Variants in HDX observed in about 807,000 individuals in gnomAD.
HDX encodes highly divergent homeobox, also known as chromosome X open reading frame 43.
Under a neutral mutation model 45.2 loss-of-function variants are expected in HDX, and 19 were observed. That is an observed-to-expected ratio of 0.42 (90% confidence interval 0.29 to 0.62). The LOEUF (loss-of-function observed/expected upper bound fraction) is 0.62, where lower values mean the gene tolerates loss of function less well. Ranked by LOEUF, HDX falls within the 20% of genes least tolerant of loss-of-function variation. The pLI is 0.20. For synonymous variants in HDX, 188 were observed against 172.8 expected, an observed-to-expected ratio of 1.09 and a Z score of -0.69; for missense variants, 532 against 493.9, an observed-to-expected ratio of 1.08 and a Z score of -0.73.
intron 5 of HDX, among the ~76,000 whole-genome samples, chrX:84,418,995 G>A (rs779282574): frequency 8.9e-5 from 10 of 111,873 alleles, no homozygotes; most frequent in Non-Finnish European, 1.5e-4. Flanking sequence ...CCCTGTTCCA[G>A]GCCCTAGCTT....
At chrX:84,362,646 TA>T (rs1380268966) in intron 5 of HDX, among the ~76,000 whole-genome samples, 1 of 110,268 alleles carries the variant, frequency 9.1e-6, no homozygotes, top group Non-Finnish European at 1.9e-5. Context: ...TGGCTTGAGG[TA>T]TGGGGTTCTG....
Position 84,321,806 on chromosome X carries a change from C to G in HDX, c.*83G>C. The G allele has an allele frequency of 1.3e-6, 1 of 777,152 alleles. No homozygotes were observed. The highest frequency in any genetic ancestry group is 3.3e-5 in the Admixed American group (1 of 30,409). 64.0% of individuals were successfully genotyped at this position (777,152 alleles called of 1,213,427 possible). A position where few individuals can be genotyped will look rare whatever the true frequency, so the allele number is the denominator to read the frequency against. Reference sequence around the variant, plus strand: ...ATGTGTTTTCCCAACTAAAGAATACCAGGGCAACAGAATGCAGTTATCTTG... The same window carrying G: ...ATGTGTTTTCCCAACTAAAGAATACGAGGGCAACAGAATGCAGTTATCTTG... On this transcript the variant is annotated 3_prime_UTR_variant, in exon 11 of 11. Transcript: ENST00000373177.
Position 84,440,340 on chromosome X carries a change from AC to A in HDX, c.1305+191del. 7.6e-6 allele frequency: 3 copies of A among 395,259 alleles called. No homozygotes were observed. The South Asian group carries it at 1.3e-4, about 17-fold the overall frequency. 32.6% of individuals were successfully genotyped at this position (395,259 alleles called of 1,213,427 possible). On this transcript the variant is annotated intron_variant, in intron 5 of 10. Coordinates refer to ENST00000373177, the MANE Select transcript of HDX (RefSeq NM_001177479.2). ...CCATGGATTATATGGTGTGCTGAGT[AC>A]TACATTATAATTAAGATTACATTTG... is the stretch of plus-strand genomic sequence containing the variant.
chrX:84,387,077 A>G (rs1307107693), intron 5 of HDX, among the ~76,000 whole-genome samples: 1 of 111,213 alleles, frequency 9.0e-6, no homozygotes, highest in East Asian at 2.8e-4. Flanking sequence ...TAAATTTTTG[A>G]CTTAAGTTTG....
intron 7 of HDX, among the ~76,000 whole-genome samples, chrX:84,343,853 G>A (rs1397880650): frequency 9.0e-6 from 1 of 111,045 alleles, no homozygotes; most frequent in East Asian, 2.9e-4. Flanking sequence ...ATGAGAAGTC[G>A]CATGAAAAGC....
intron 3 of HDX, among the ~76,000 whole-genome samples, chrX:84,472,661 C>A (rs2040474118): frequency 9.0e-6 from 1 of 111,066 alleles, no homozygotes; most frequent in Admixed American, 9.6e-5. Flanking sequence ...ATTCCATATA[C>A]CTTACCAAGT....
chrX:84,427,555 ATGTGC>A (rs2039411948), intron 5 of HDX, among the ~76,000 whole-genome samples: 4 of 111,213 alleles, frequency 3.6e-5, no homozygotes, highest in African/African-American at 1.3e-4. Flanking sequence ...GGCATACAGT[ATGTGC>A]TCTCTTTTTA....
intron 5 of HDX, among the ~76,000 whole-genome samples, chrX:84,431,628 T>G (rs778031786): frequency 6.3e-5 from 7 of 111,818 alleles, no homozygotes; most frequent in Non-Finnish European, 1.3e-4. Flanking sequence ...TTTAGCTATT[T>G]GTATATATTC....
At chrX:84,337,617 A>G (rs1008088633) in intron 7 of HDX, among the ~76,000 whole-genome samples, 2 of 111,269 alleles carry the variant, frequency 1.8e-5, no homozygotes, top group African/African-American at 6.5e-5. Flanking sequence ...ACACAGACAC[A>G]CTCCTGTATA....
chrX:84,391,123 T>A (rs1324679294), intron 5 of HDX, among the ~76,000 whole-genome samples: 2 of 111,905 alleles, frequency 1.8e-5, no homozygotes, highest in Non-Finnish European at 3.8e-5. Flanking sequence ...CCATCCACAC[T>A]ATTCCCAGCC....
chrX:84,468,436 T>C, intron 4 of HDX, 36 bp downstream of exon 4: 2 of 936,251 alleles, frequency 2.1e-6, no homozygotes, highest in Non-Finnish European at 2.9e-6. Context: ...ACACACACAG[T>C]TTTTAAAACC....
chrX:84,400,333 G>T (rs1330639404), intron 5 of HDX, among the ~76,000 whole-genome samples: 1 of 109,593 alleles, frequency 9.1e-6, no homozygotes, highest in Admixed American at 9.9e-5. Context: ...AACTTTTTAA[G>T]CTGATAAGCA....
intron 5 of HDX, among the ~76,000 whole-genome samples, chrX:84,416,176 C>A (rs1330161487): frequency 1.8e-5 from 2 of 111,685 alleles, no homozygotes; most frequent in Non-Finnish European, 3.8e-5. Flanking sequence ...ATCCCTACTC[C>A]ATTGTACCCT....
chrX:84,405,589 T>C (rs925267758), intron 5 of HDX, among the ~76,000 whole-genome samples: 2 of 50,438 alleles, frequency 4.0e-5, no homozygotes, highest in African/African-American at 9.4e-5. Flanking sequence ...GATTTTCTGC[T>C]TTTTTTTTTT....
chrX:84,439,310 C>T (rs1159218934), intron 5 of HDX, among the ~76,000 whole-genome samples: 1 of 111,097 alleles, frequency 9.0e-6, no homozygotes, highest in East Asian at 2.8e-4. Context: ...AGACCTTTGT[C>T]AGATGCATAT....
intron 5 of HDX, among the ~76,000 whole-genome samples, chrX:84,422,460 CAGAAG>C (rs2039278801): frequency 9.1e-6 from 1 of 109,671 alleles, no homozygotes; most frequent in Admixed American, 9.8e-5. Context: ...ACTAGAAAAG[CAGAAG>C]AGATCAAATG....
intron 2 of HDX, among the ~76,000 whole-genome samples, chrX:84,487,754 C>A (rs2040823915): frequency 8.9e-6 from 1 of 112,327 alleles, no homozygotes; most frequent in African/African-American, 3.2e-5. Flanking sequence ...TTTCCTGGTC[C>A]TCTAGACAGA....
At chrX:84,453,541 G>A (rs923829105) in intron 4 of HDX, among the ~76,000 whole-genome samples, 11 of 112,202 alleles carry the variant, frequency 9.8e-5, no homozygotes, top group Admixed American at 1.9e-4. Flanking sequence ...ACTAGCCAGA[G>A]GGGAATCACT....
chrX:84,368,873 C>T (rs145856585), intron 5 of HDX, among the ~76,000 whole-genome samples: 1,347 of 110,950 alleles, frequency 0.012, 19 homozygotes, highest in African/African-American at 0.042. Context: ...ATTAGATTCT[C>T]ATAAGGAGTG....
Sources: gnomAD v4.1 joint callset for allele counts (sites outside exome capture counted in the v4.1 genomes callset) on GRCh38, gnomAD v4.1.1 for gene constraint, MANE v1.5 for transcripts, NCBI Gene and HGNC (gene_info 2026-07-23, HGNC 2026-07-21) for gene names.